The following MIPOL1 variants were observed in gnomAD, a reference collection of about 807,000 sequenced individuals.
MIPOL1 encodes the protein mirror-image polydactyly 1, also known as mirror-image polydactyly gene 1 protein.
A neutral mutation model predicts 60.9 loss-of-function variants in MIPOL1; 57 were observed. The observed-to-expected ratio is 0.94, with a 90% confidence interval of 0.76 to 1.17. The LOEUF is 1.17. Among genes scored for constraint, MIPOL1 ranks in the 50% most tolerant of loss-of-function variants. MIPOL1 has a pLI of 0.00. For missense variants in MIPOL1, 551 were observed against 511.6 expected, an observed-to-expected ratio of 1.08 and a Z score of -0.74; for synonymous variants, 179 against 168.8, an observed-to-expected ratio of 1.06 and a Z score of -0.47.
At chr14:37,521,184 G>A (rs1176473239) in intron 12 of MIPOL1, among the ~76,000 whole-genome samples, 1 of 151,768 alleles carries the variant, frequency 6.6e-6, no homozygotes, top group Non-Finnish European at 1.5e-5. Context: ...TGATCCACCC[G>A]CCTCAGTCTC....
At chr14:37,209,418 G>A (rs1380799938) in intron 1 of MIPOL1, among the ~76,000 whole-genome samples, 1 of 152,100 alleles carries the variant, frequency 6.6e-6, no homozygotes, top group African/African-American at 2.4e-5. Context: ...CAGCACTTTG[G>A]GAGGCCGAGG....
At chr14:37,540,042 C>T (rs1253981773) in intron 12 of MIPOL1, among the ~76,000 whole-genome samples, 6 of 152,140 alleles carry the variant, frequency 3.9e-5, no homozygotes, top group Admixed American at 2.0e-4. Flanking sequence ...TATTTGCTTC[C>T]CCTTCCCTTA....
At chr14:37,502,780 T>G (rs2095233075) in intron 12 of MIPOL1, 1 of 152,088 alleles carries the variant, frequency 6.6e-6, no homozygotes, top group Non-Finnish European at 1.5e-5. Context: ...CTTTGATGAG[T>G]TGGCAGAAGT....
intron 12 of MIPOL1, among the ~76,000 whole-genome samples, chr14:37,544,604 A>G (rs1028918133): frequency 2.0e-5 from 3 of 152,224 alleles, no homozygotes; most frequent in Non-Finnish European, 2.9e-5. Flanking sequence ...ACACACGTCT[A>G]CCTTCCTGTT....
intron 11 of MIPOL1, among the ~76,000 whole-genome samples, chr14:37,473,728 A>G (rs376170190): frequency 6.6e-6 from 1 of 152,164 alleles, no homozygotes; most frequent in Non-Finnish European, 1.5e-5. Context: ...AAACATACTG[A>G]TGTATTATCA....
chr14:37,308,028 T>TA lies in MIPOL1; in HGVS notation c.624-28_624-27insA, dbSNP rs1449951107. 1.9e-6 allele frequency: 3 copies of TA among 1,601,702 alleles called. No individual in the cohort carries two copies. The African/African-American group carries it at 4.0e-5, about 22-fold the overall frequency. Reference sequence around the variant, plus strand: ...TGCTGCACTAAGGAAATGCTACTGATCAGGCTTTCTGTGTCCCTTTTTTCT... The same window carrying TA: ...TGCTGCACTAAGGAAATGCTACTGATACAGGCTTTCTGTGTCCCTTTTTTCT... On this transcript the variant is annotated intron_variant, in intron 7 of 12. Coordinates refer to ENST00000684589, the MANE Select transcript of MIPOL1 (RefSeq NM_001388067.1).
chr14:37,337,279 G>C (rs1185452332), intron 9 of MIPOL1, among the ~76,000 whole-genome samples: 5 of 134,296 alleles, frequency 3.7e-5, no homozygotes, highest in Admixed American at 7.6e-5. Context: ...TTCCCTAATG[G>C]CTAATGATGT....
intron 1 of MIPOL1, among the ~76,000 whole-genome samples, chr14:37,218,658 G>C (rs1170835364): frequency 6.6e-6 from 1 of 152,078 alleles, no homozygotes; most frequent in African/African-American, 2.4e-5. Flanking sequence ...AACAGAGGCT[G>C]TGTGTGATGG....
intron 11 of MIPOL1, among the ~76,000 whole-genome samples, chr14:37,463,260 CAGA>C (rs1192411914): frequency 6.6e-6 from 1 of 152,136 alleles, no homozygotes; most frequent in Non-Finnish European, 1.5e-5. Flanking sequence ...CACTCACTGT[CAGA>C]AGAACAGCAC....
At chr14:37,241,062 C>T (rs568166694) in intron 1 of MIPOL1, among the ~76,000 whole-genome samples, 23 of 152,212 alleles carry the variant, frequency 1.5e-4, no homozygotes, top group African/African-American at 2.2e-4. Flanking sequence ...GAGCCAGTAG[C>T]GCAATTCTGG....
At chr14:37,293,533 A>G (rs2085299547) in intron 7 of MIPOL1, among the ~76,000 whole-genome samples, 1 of 152,180 alleles carries the variant, frequency 6.6e-6, no homozygotes, top group Non-Finnish European at 1.5e-5. Flanking sequence ...GGGAAGCGCA[A>G]GGGGTCAGGG....
Position 37,547,733 on chromosome 14 carries a change from C to T in MIPOL1, c.*762C>T, listed in dbSNP as rs972549482. The T allele has an allele frequency of 6.6e-5, 10 of 152,414 alleles. No homozygotes were observed. Among genetic ancestry groups the T allele is most frequent in the African/African-American group, 2.2e-4 (9 of 41,436 alleles). The allele number at this position is 152,414 out of a possible 1,614,324, so 9.4% of individuals were successfully genotyped here. On this transcript the variant is annotated 3_prime_UTR_variant, in exon 13 of 13. Coordinates refer to ENST00000684589, the MANE Select transcript of MIPOL1 (RefSeq NM_001388067.1). ...TGAATTCTACTTAAGCTATAAGTCT[C>T]TGTCATTTTTGCTTGAAAATTAGCA...
chr14:37,462,938 C>T (rs1257085379), intron 11 of MIPOL1, among the ~76,000 whole-genome samples: 3 of 152,204 alleles, frequency 2.0e-5, no homozygotes, highest in African/African-American at 7.2e-5. Flanking sequence ...GTTCCATCCC[C>T]TGCCTGTTAC....
At chr14:37,213,476 AAGTT>A (rs1315148041) in intron 1 of MIPOL1, among the ~76,000 whole-genome samples, 9 of 152,190 alleles carry the variant, frequency 5.9e-5, no homozygotes, top group African/African-American at 1.9e-4. Flanking sequence ...AAGTAGGAGA[AAGTT>A]AGTGATCTTG....
intron 10 of MIPOL1, among the ~76,000 whole-genome samples, chr14:37,375,664 A>G (rs1176028184): frequency 6.6e-6 from 1 of 152,158 alleles, no homozygotes; most frequent in East Asian, 1.9e-4. Flanking sequence ...TAAGAAGAAT[A>G]GCTCATTTCA....
chr14:37,397,540 G>A (rs376545717), intron 10 of MIPOL1, among the ~76,000 whole-genome samples: 5 of 152,320 alleles, frequency 3.3e-5, no homozygotes, highest in African/African-American at 1.2e-4. Flanking sequence ...AGTGGTCAGA[G>A]CCCTAAAATT....
chr14:37,458,875 AAAT>A (rs1200579696), intron 11 of MIPOL1, among the ~76,000 whole-genome samples: 17 of 151,626 alleles, frequency 1.1e-4, no homozygotes, highest in Non-Finnish European at 1.5e-5. Context: ...ATAAATAAAT[AAAT>A]AAATAAATAG....
intron 11 of MIPOL1, among the ~76,000 whole-genome samples, chr14:37,460,283 G>A (rs1387207238): frequency 6.6e-6 from 1 of 151,924 alleles, no homozygotes; most frequent in Admixed American, 6.6e-5. Context: ...ATCTCAATAG[G>A]TGAAGAAAAA....
At chr14:37,217,850 C>T (rs1466339988) in intron 1 of MIPOL1, among the ~76,000 whole-genome samples, 1 of 152,184 alleles carries the variant, frequency 6.6e-6, no homozygotes, top group Non-Finnish European at 1.5e-5. Context: ...TGCCCACTTT[C>T]ACCACTGTTA....
Sources: allele counts gnomAD v4.1 joint callset (sites outside exome capture counted in the v4.1 genomes callset), GRCh38; gene constraint gnomAD v4.1.1; transcripts MANE v1.5; gene names NCBI Gene and HGNC (gene_info 2026-07-23, HGNC 2026-07-21).